Variants in VPS8 observed in about 807,000 individuals in gnomAD.
VPS8 encodes vacuolar protein sorting-associated protein 8 homolog.
A neutral mutation model predicts 216.4 loss-of-function variants in VPS8; 129 were observed. That is an observed-to-expected ratio of 0.60 (90% CI 0.52 to 0.69). The LOEUF is 0.69. Ranked by LOEUF, VPS8 falls within the 30% of genes least tolerant of loss-of-function variation. VPS8 has a pLI of 0.00. For synonymous variants in VPS8, 571 were observed against 565.4 expected (o/e 1.01, Z -0.14); for missense variants, 1,531 against 1,683.5 (o/e 0.91, Z 1.59).
intron 42 of VPS8, among the ~76,000 whole-genome samples, chr3:184,987,434 T>C (rs1751278625): frequency 6.6e-6 from 1 of 151,678 alleles, no homozygotes; most frequent in African/African-American, 2.4e-5. Flanking sequence ...TTTTTAACTG[T>C]CCCTATAGTT....
rs368841450 is a variant in VPS8, at chr3:185,005,006, G to C, written c.4002+5145G>C. Among the ~76,000 whole-genome samples, 117 of 152,054 alleles carry C rather than the reference G, an allele frequency of 7.7e-4. 1 individual carries two copies. In the South Asian group the frequency reaches 0.016, roughly 21 times the overall value. The stretch of plus-strand genomic sequence containing the variant: ...CTATACAAGGGTTTTTATGGATTCA[G>C]GGCTTAGATTTAAGTCTTTGATGCA... On this transcript the variant is annotated intron_variant, in intron 45 of 47. Coordinates refer to ENST00000625842, the MANE Select transcript of VPS8 (RefSeq NM_001009921.3).
intron 24 of VPS8, among the ~76,000 whole-genome samples, chr3:184,900,373 T>G (rs1235575554): frequency 6.6e-6 from 1 of 152,180 alleles, no homozygotes; most frequent in Non-Finnish European, 1.5e-5. Context: ...AGGTCTTCAG[T>G]GGGAAAGCAT....
chr3:184,865,305 C>T (rs1478701144), intron 16 of VPS8, among the ~76,000 whole-genome samples: 1 of 152,012 alleles, frequency 6.6e-6, no homozygotes, highest in Non-Finnish European at 1.5e-5. Flanking sequence ...TGAACCCAAG[C>T]ACAACTAAAA....
chr3:184,957,597 G>A (rs1576980655), intron 37 of VPS8, 76 bp downstream of exon 37: 12 of 1,428,776 alleles, frequency 8.4e-6, no homozygotes, highest in Admixed American at 5.6e-5. Flanking sequence ...TCAAAGACAA[G>A]GGGAAAAAAT....
intron 45 of VPS8, among the ~76,000 whole-genome samples, chr3:185,019,702 C>T (rs935100358): frequency 7.2e-5 from 11 of 152,158 alleles, no homozygotes; most frequent in Non-Finnish European, 1.0e-4. Flanking sequence ...AACCTTCCAG[C>T]GTGGGCGTCA....
At chr3:184,830,494 A>C (rs574177249) in intron 3 of VPS8, among the ~76,000 whole-genome samples, 9 of 151,784 alleles carry the variant, frequency 5.9e-5, no homozygotes, top group Non-Finnish European at 1.2e-4. Flanking sequence ...ATCAGCTGAA[A>C]TTTGAAAGGA....
At chr3:184,926,340 G>A (rs1439870567) in intron 30 of VPS8, among the ~76,000 whole-genome samples, 6 of 151,642 alleles carry the variant, frequency 4.0e-5, no homozygotes, top group African/African-American at 1.5e-4. Flanking sequence ...TCGCGCCACT[G>A]CACTCCAGCC....
chr3:184,988,197 C>T (rs1046366635), intron 42 of VPS8, among the ~76,000 whole-genome samples: 3 of 152,132 alleles, frequency 2.0e-5, no homozygotes, highest in African/African-American at 4.8e-5. Flanking sequence ...CTTTTTCTTC[C>T]ATGGAATATG....
At chr3:184,996,639 A>T (rs1032267175) in intron 44 of VPS8, 138 bp downstream of exon 44, 3 of 966,926 alleles carry the variant, frequency 3.1e-6, no homozygotes, top group Non-Finnish European at 4.5e-6. Flanking sequence ...CAGACCTTAC[A>T]TTCTGCATTG....
chr3:185,051,937 G>A lies in VPS8; in HGVS notation c.4199G>A (p.Gly1400Asp). 1 of 1,613,494 alleles carries A rather than the reference G, an allele frequency of 6.2e-7. No homozygotes were observed. The highest frequency in any genetic ancestry group is 8.5e-7 in the Non-Finnish European group (1 of 1,179,712). The stretch of plus-strand genomic sequence containing the variant: ...AGCGAGAGCTATAGGCCATTCAGTG[G>A]CTCGCAGAGTGCTCCTGCTTTCAAC... ...RSSESYRPFS[G>D]SQSAPAFNSI... The change falls in exon 48 of 48, where the codon GGC becomes GAC. Residue 1400 changes from glycine (G) to aspartate (D), a missense_variant. Around this residue, in one of 3 missense-constraint regions of VPS8, gnomAD observed 1,318 missense variants for 1,468.4 expected, o/e 0.90. Transcript: ENST00000625842.
chr3:184,835,647 T>C (rs1025938841), intron 5 of VPS8, among the ~76,000 whole-genome samples: 1 of 152,058 alleles, frequency 6.6e-6, no homozygotes, highest in African/African-American at 2.4e-5. Flanking sequence ...ATGTTCTTTT[T>C]GGGGCATTTA....
intron 46 of VPS8, among the ~76,000 whole-genome samples, chr3:185,028,233 T>C (rs1757658840): frequency 6.6e-6 from 1 of 152,180 alleles, no homozygotes; most frequent in Non-Finnish European, 1.5e-5. Context: ...TTATGTCGTC[T>C]CTAGTTACTT....
In VPS8 at chr3:185,009,721, C is replaced by T. The variant is rs534289561; in HGVS notation, c.4002+9860C>T. On this transcript the variant is annotated intron_variant, in intron 45 of 47. Transcript: ENST00000625842. Reference sequence around the variant, plus strand: ...AGATAAGAAACAAATGACATAAACCCTAAGATTTCTACCAAATTACTCCCT... The same window carrying T: ...AGATAAGAAACAAATGACATAAACCTTAAGATTTCTACCAAATTACTCCCT... Among the ~76,000 whole-genome samples the T allele has an allele frequency of 3.9e-5, 6 of 152,086 alleles. No individual in the cohort carries two copies. In the South Asian group the frequency reaches 1.2e-3, roughly 32 times the overall value.
intron 20 of VPS8, 105 bp from the exon 21 acceptor site, chr3:184,870,611 T>C (rs1233456700): frequency 4.3e-6 from 4 of 939,318 alleles, no homozygotes; most frequent in East Asian, 5.4e-5. Context: ...TTCAGTTAAA[T>C]TTTAATAACA....
chr3:184,999,898 T>C (rs767275046), intron 45 of VPS8, 37 bp downstream of exon 45: 23 of 1,571,366 alleles, frequency 1.5e-5, no homozygotes, highest in Non-Finnish European at 3.4e-6. Flanking sequence ...GAAATGGTCT[T>C]TTCTTACCAA....
At chr3:185,032,490 T>A (rs1758310136) in intron 46 of VPS8, among the ~76,000 whole-genome samples, 1 of 152,094 alleles carries the variant, frequency 6.6e-6, no homozygotes, top group African/African-American at 2.4e-5. Context: ...TCAGAGATGC[T>A]TTTCCTTGTG....
chr3:184,849,008 T>C, intron 8 of VPS8, 63 bp from the exon 9 acceptor site: 2 of 1,578,758 alleles, frequency 1.3e-6, no homozygotes, highest in Admixed American at 3.4e-5. Flanking sequence ...AAAGCATGCC[T>C]GTACTCGATG....
chr3:184,836,932 C>CT (rs921716400), intron 5 of VPS8, among the ~76,000 whole-genome samples: 5 of 151,902 alleles, frequency 3.3e-5, no homozygotes, highest in African/African-American at 9.7e-5. Context: ...TTCAAAGTAA[C>CT]TTTTTTTTAA....
chr3:184,966,892 CAT>C (rs1747504152), intron 39 of VPS8, among the ~76,000 whole-genome samples, 179 bp downstream of exon 39: 1 of 152,112 alleles, frequency 6.6e-6, no homozygotes, highest in East Asian at 1.9e-4. Context: ...AACAGGAAAT[CAT>C]AGAAACCATT....
Sources: gnomAD v4.1 joint callset for allele counts (sites outside exome capture counted in the v4.1 genomes callset) on GRCh38, gnomAD v4.1.1 for gene constraint, gnomAD v4.1.1 regional missense constraint, MANE v1.5 for transcripts, NCBI Gene and HGNC (gene_info 2026-07-23, HGNC 2026-07-21) for gene names.